The following CSMD1 variants were observed in gnomAD, a reference collection of about 807,000 sequenced individuals.
CSMD1 encodes CUB and sushi domain-containing protein 1.
Under a neutral mutation model 417.5 loss-of-function variants are expected in CSMD1, and 213 were observed. That is an observed-to-expected ratio of 0.51 (90% CI 0.46 to 0.57). The LOEUF (loss-of-function observed/expected upper bound fraction) is 0.57, where lower values mean the gene tolerates loss of function less well. Ranked by LOEUF, CSMD1 falls within the 20% of genes least tolerant of loss-of-function variation. CSMD1 has a pLI of 0.00. For synonymous variants in CSMD1, 2,862 were observed against 1,736.8 expected (o/e 1.65, Z -16.11); for missense variants, 6,923 against 4,529.7 (o/e 1.53, Z -15.17).
chr8:3,662,092 T>C (rs549493239), intron 7 of CSMD1, among the ~76,000 whole-genome samples: 31 of 152,084 alleles, frequency 2.0e-4, no homozygotes, highest in Non-Finnish European at 4.1e-4. Context: ...AGAAGGAGCA[T>C]GCTTAAAGGG....
chr8:3,456,777 C>T lies in CSMD1; in HGVS notation c.1561+11935G>A, dbSNP rs73660016. Among the ~76,000 whole-genome samples, 926 of 152,202 alleles carry T rather than the reference C, an allele frequency of 6.1e-3. 14 individuals are homozygous for T. Among genetic ancestry groups the T allele is most frequent in the African/African-American group, 0.02 (844 of 41,514 alleles). ...GGAGGAAAGCCTGCAGATGACCCAT[C>T]CCCATTGCCCATTATAGATGAGGCT... On this transcript the variant is annotated intron_variant, in intron 12 of 69. Coordinates refer to ENST00000635120, the MANE Select transcript of CSMD1 (RefSeq NM_033225.6).
chr8:4,178,177 C>T (rs932988151), intron 3 of CSMD1, among the ~76,000 whole-genome samples: 2 of 152,124 alleles, frequency 1.3e-5, no homozygotes, highest in Non-Finnish European at 1.5e-5. Context: ...TGCAGAAACC[C>T]TCAATACGAT....
chr8:4,464,545 G>T (rs1355024465), intron 2 of CSMD1, among the ~76,000 whole-genome samples: 1 of 152,100 alleles, frequency 6.6e-6, no homozygotes, highest in African/African-American at 2.4e-5. Context: ...AACTAAAAGT[G>T]AAAAGCAGAA....
At position 2,938,722 on chromosome 8, in the gene CSMD1, T is replaced by C. The variant is rs777923555; in HGVS notation, c.10558A>G (p.Asn3520Asp). The C allele has an allele frequency of 4.3e-6, 7 of 1,610,196 alleles. No individual in the cohort carries two copies. The highest frequency in any genetic ancestry group is 2.2e-5 in the South Asian group (2 of 90,156). ...KHRTRPKVQY[N>D]GYAGHENSNG... ...CTGTTTTCATGCCCAGCATAGCCAT[T>C]GTATTGAACTTTTGGTCTCGTTCTA... Residue 3520 changes from asparagine to aspartate, a missense_variant, in exon 70 of 70, where the codon AAT becomes GAT. Transcript: ENST00000635120.
chr8:4,973,767 T>C (rs951214256), intron 1 of CSMD1, among the ~76,000 whole-genome samples: 6 of 152,132 alleles, frequency 3.9e-5, no homozygotes, highest in African/African-American at 1.4e-4. Flanking sequence ...CACCCAAAGA[T>C]GTAAAAGGGA....
At chr8:4,754,824 G>A (rs1051759220) in intron 1 of CSMD1, among the ~76,000 whole-genome samples, 5 of 152,150 alleles carry the variant, frequency 3.3e-5, no homozygotes, top group South Asian at 4.2e-4. Context: ...ACTCCAGCCT[G>A]GGTGACGGAG....
At chr8:3,819,573 A>C (rs1209406193) in intron 5 of CSMD1, among the ~76,000 whole-genome samples, 1 of 143,324 alleles carries the variant, frequency 7.0e-6, no homozygotes, top group Non-Finnish European at 1.5e-5. Context: ...TATGTATATA[A>C]ACGCCAACAT....
At chr8:3,270,593 C>T (rs1274656459) in intron 26 of CSMD1, among the ~76,000 whole-genome samples, 10 of 152,154 alleles carry the variant, frequency 6.6e-5, no homozygotes, top group Non-Finnish European at 1.5e-4. Flanking sequence ...AACAGGTCGA[C>T]ACAGATGCAG....
At chr8:3,196,496 G>A (rs1480867145) in intron 33 of CSMD1, among the ~76,000 whole-genome samples, 1 of 152,156 alleles carries the variant, frequency 6.6e-6, no homozygotes, top group Non-Finnish European at 1.5e-5. Flanking sequence ...CTCTCTTGGG[G>A]TCTGGATCCG....
intron 7 of CSMD1, among the ~76,000 whole-genome samples, chr8:3,641,941 C>T (rs1387346768): frequency 6.6e-6 from 1 of 152,158 alleles, no homozygotes; most frequent in Admixed American, 6.5e-5. Flanking sequence ...AACACAAGCA[C>T]TGAGTGAATC....
chr8:3,289,781 G>A (rs1803414978), intron 25 of CSMD1, among the ~76,000 whole-genome samples: 1 of 147,240 alleles, frequency 6.8e-6, no homozygotes, highest in African/African-American at 2.7e-5. Flanking sequence ...TAGGTTGCCT[G>A]TTCACTCTGA....
intron 5 of CSMD1, among the ~76,000 whole-genome samples, chr8:3,769,681 T>C (rs1193565755): frequency 1.3e-5 from 2 of 152,172 alleles, no homozygotes; most frequent in African/African-American, 4.8e-5. Flanking sequence ...TATATATATA[T>C]GATGTGTGAA....
intron 10 of CSMD1, among the ~76,000 whole-genome samples, chr8:3,518,130 C>T (rs1797357707): frequency 6.7e-6 from 1 of 149,426 alleles, no homozygotes; most frequent in Admixed American, 6.9e-5. Context: ...ACAATATTAA[C>T]TATTTCTAGA....
intron 3 of CSMD1, among the ~76,000 whole-genome samples, chr8:4,291,251 T>C (rs2128867317): frequency 6.6e-6 from 1 of 152,208 alleles, no homozygotes; most frequent in African/African-American, 2.4e-5. Flanking sequence ...AAATATTAAG[T>C]AATAAAGAAA....
chr8:4,941,818 T>C (rs1218219088), intron 1 of CSMD1, among the ~76,000 whole-genome samples: 1 of 152,134 alleles, frequency 6.6e-6, no homozygotes, highest in African/African-American at 2.4e-5. Flanking sequence ...AGGATGGTCT[T>C]GAACTCCTGA....
rs12541854 is a variant in CSMD1 at position 4,758,641 on chromosome 8, G to A, written c.86-121083C>T. Among the ~76,000 whole-genome samples the A allele has an allele frequency of 9.1e-4, 138 of 151,944 alleles. 2 individuals carry two copies. The highest frequency in any genetic ancestry group is 4.3e-4 in the Non-Finnish European group (29 of 67,994). On this transcript the variant is annotated intron_variant, in intron 1 of 69. Transcript: ENST00000635120. ...GACTCAGTTCCACATGGCTGGGGAG[G>A]CCTCAGGAAACTTACAATCATGGCA... is the stretch of plus-strand genomic sequence containing the variant.
At chr8:3,161,529 A>G (rs1388193281) in intron 38 of CSMD1, among the ~76,000 whole-genome samples, 1 of 147,824 alleles carries the variant, frequency 6.8e-6, no homozygotes, top group African/African-American at 2.5e-5. Context: ...AGGCAGGAGA[A>G]TTGTTTGAAT....
At chr8:4,461,694 G>A (rs999819764) in intron 2 of CSMD1, among the ~76,000 whole-genome samples, 2 of 151,142 alleles carry the variant, frequency 1.3e-5, no homozygotes, top group African/African-American at 2.4e-5. Flanking sequence ...GGGGCCATGG[G>A]CAAACACCAC....
chr8:3,103,931 C>T (rs544581830), intron 46 of CSMD1, among the ~76,000 whole-genome samples: 30 of 151,768 alleles, frequency 2.0e-4, no homozygotes, highest in Non-Finnish European at 3.8e-4. Flanking sequence ...TCAGTAGACA[C>T]GGGGTTTCTT....
Sources: gnomAD v4.1 joint callset for allele counts (sites outside exome capture counted in the v4.1 genomes callset) on GRCh38, gnomAD v4.1.1 for gene constraint, MANE v1.5 for transcripts, NCBI Gene and HGNC (gene_info 2026-07-23, HGNC 2026-07-21) for gene names.